Variants in SH3YL1 observed in about 807,000 individuals in gnomAD.
SH3YL1 encodes the protein SH3 and SYLF domain containing 1.
In SH3YL1, 41 loss-of-function variants were observed where a neutral mutation model predicts 45.8. The observed-to-expected ratio is 0.89, with a 90% CI of 0.70 to 1.16. SH3YL1 has a LOEUF of 1.16. Among genes scored for constraint, SH3YL1 ranks in the 50% most tolerant of loss-of-function variants. The pLI is 0.00. For missense variants in SH3YL1, 389 were observed against 409.6 expected, an observed-to-expected ratio of 0.95 and a Z score of 0.43; for synonymous variants, 152 against 151.4, an observed-to-expected ratio of 1.00 and a Z score of -0.03.
chr2:232,806 T>C (rs890757659), intron 6 of SH3YL1: 1 of 176,806 alleles, frequency 5.7e-6, no homozygotes, highest in African/African-American at 2.4e-5. Context: ...ATTATCATCA[T>C]ATATGGCAAA....
chr2:244,370 C>T (rs1430919652), intron 4 of SH3YL1, among the ~76,000 whole-genome samples: 2 of 151,968 alleles, frequency 1.3e-5, no homozygotes, highest in Non-Finnish European at 2.9e-5. Context: ...GTGGCGGGCG[C>T]CTGTAGTCCC....
chr2:252,862 A>G, intron 2 of SH3YL1, 143 bp downstream of exon 2: 1 of 598,000 alleles, frequency 1.7e-6, no homozygotes, highest in Non-Finnish European at 3.0e-6. Context: ...AGTCATGAGA[A>G]AAAAGGTGGT....
At chr2:256,190 T>C (rs1669317524) in intron 1 of SH3YL1, 1 of 152,236 alleles carries the variant, frequency 6.6e-6, no homozygotes, top group Admixed American at 6.5e-5. Context: ...CTTTTCTGTC[T>C]AGCTTATTTT....
At chr2:262,557 A>G (rs1016176492) in intron 1 of SH3YL1, 4 of 1,302,466 alleles carry the variant, frequency 3.1e-6, no homozygotes, top group East Asian at 5.5e-5. Flanking sequence ...ATCTTCTCAG[A>G]GAAAATTTTT....
upstream of SH3YL1, chr2:264,130 G>A (rs1669736289): frequency 1.6e-6 from 2 of 1,213,102 alleles, no homozygotes; most frequent in Admixed American, 3.9e-5. Flanking sequence ...CGCCGTGTAC[G>A]TTTCGCGGGA....
chr2:226,091 A>T (rs555077397), intron 8 of SH3YL1, among the ~76,000 whole-genome samples: 2 of 152,234 alleles, frequency 1.3e-5, no homozygotes, highest in East Asian at 1.9e-4. Context: ...ATGCAAAGAT[A>T]AAAAAATCAC....
At chr2:254,802 G>C (rs1669242992) in intron 1 of SH3YL1, among the ~76,000 whole-genome samples, 1 of 152,180 alleles carries the variant, frequency 6.6e-6, no homozygotes, top group African/African-American at 2.4e-5. Flanking sequence ...CTGCTCACGT[G>C]AGACAAATGC....
At chr2:254,079 A>T (rs1245804961) in intron 1 of SH3YL1, among the ~76,000 whole-genome samples, 2 of 152,048 alleles carry the variant, frequency 1.3e-5, no homozygotes, top group Non-Finnish European at 1.5e-5. Flanking sequence ...AAGAATTTAA[A>T]ATTTAAAAAT....
intron 9 of SH3YL1, chr2:222,780 C>T (rs1230188211): frequency 1.3e-5 from 2 of 152,252 alleles, no homozygotes; most frequent in African/African-American, 4.8e-5. Context: ...ACCCAGCAGC[C>T]CCTCCGTGGG....
chr2:221,063 C>T (rs981543133), intron 9 of SH3YL1, among the ~76,000 whole-genome samples: 1 of 152,176 alleles, frequency 6.6e-6, no homozygotes, highest in African/African-American at 2.4e-5. Context: ...TCTTACACCG[C>T]CCACTGCAAT....
At chr2:249,021 CAAAAT>C (rs753207794) in intron 3 of SH3YL1, among the ~76,000 whole-genome samples, 72 of 152,174 alleles carry the variant, frequency 4.7e-4, no homozygotes, top group Non-Finnish European at 8.4e-4. Flanking sequence ...CATGCTCTCT[CAAAAT>C]AAAATAAAAT....
At chr2:243,964 AC>A (rs1000953153) in intron 4 of SH3YL1, among the ~76,000 whole-genome samples, 2 of 152,108 alleles carry the variant, frequency 1.3e-5, no homozygotes, top group Non-Finnish European at 2.9e-5. Context: ...ACTTTCCTGA[AC>A]CTTTCTTTTT....
At chr2:252,144 A>G (rs1458770102) in intron 2 of SH3YL1, among the ~76,000 whole-genome samples, 1 of 152,212 alleles carries the variant, frequency 6.6e-6, no homozygotes, top group Admixed American at 6.5e-5. Context: ...TCCTGGACAC[A>G]CTGCACTAAA....
intron 1 of SH3YL1, among the ~76,000 whole-genome samples, chr2:256,961 G>A (rs574436767): frequency 6.6e-6 from 1 of 152,078 alleles, no homozygotes; most frequent in South Asian, 2.1e-4. Context: ...TTTAATTTTC[G>A]TTTCTCAGAT....
At chr2:225,800 A>G (rs781727149) in intron 8 of SH3YL1, among the ~76,000 whole-genome samples, 1 of 152,246 alleles carries the variant, frequency 6.6e-6, no homozygotes, top group East Asian at 1.9e-4. Flanking sequence ...TTAGCAGATC[A>G]AAATCTCAAA....
chr2:223,971 G>T (rs755845727), intron 9 of SH3YL1, among the ~76,000 whole-genome samples: 1 of 152,188 alleles, frequency 6.6e-6, no homozygotes, highest in Non-Finnish European at 1.5e-5. Context: ...AGGGGATGCT[G>T]CTTAAGAGAC....
At chr2:224,613 C>T (rs1667716041) in intron 9 of SH3YL1, among the ~76,000 whole-genome samples, 1 of 152,134 alleles carries the variant, frequency 6.6e-6, no homozygotes, top group Admixed American at 6.5e-5. Context: ...CAGCGCTGTC[C>T]CCAGCACACA....
chr2:248,428 G>A (rs116731297), intron 3 of SH3YL1, among the ~76,000 whole-genome samples: 436 of 152,184 alleles, frequency 2.9e-3, no homozygotes, highest in African/African-American at 4.6e-3. Flanking sequence ...ATAATTTTTC[G>A]TTCCCTATGT....
chr2:234,080 A>G, intron 5 of SH3YL1, 80 bp downstream of exon 5: 1 of 1,042,856 alleles, frequency 9.6e-7, no homozygotes, highest in South Asian at 1.5e-5. Context: ...TGTTCATTTT[A>G]ATTCAAGTTT....
Sources: gnomAD v4.1 joint callset for allele counts (sites outside exome capture counted in the v4.1 genomes callset) on GRCh38, gnomAD v4.1.1 for gene constraint, MANE v1.5 for transcripts, NCBI Gene and HGNC (gene_info 2026-07-23, HGNC 2026-07-21) for gene names.